The following CNTN4 variants were observed in gnomAD, a reference collection of about 807,000 sequenced individuals.
CNTN4 encodes the protein contactin-4.
Under a neutral mutation model 122.5 loss-of-function variants are expected in CNTN4, and 77 were observed. The ratio of observed to expected loss-of-function variants is 0.63; its 90% CI spans 0.52 to 0.76. The LOEUF (loss-of-function observed/expected upper bound fraction) is 0.76. Ranked by LOEUF, CNTN4 falls within the 30% of genes least tolerant of loss-of-function variation. CNTN4 has a pLI of 0.00. For missense variants in CNTN4, 1,256 were observed against 1,259.1 expected (o/e 1.00, Z 0.04); for synonymous variants, 512 against 447.0 (o/e 1.15, Z -1.83).
chr3:2,297,663 A>G (rs961702963), intron 2 of CNTN4, among the ~76,000 whole-genome samples: 1 of 151,568 alleles, frequency 6.6e-6, no homozygotes, highest in Admixed American at 6.6e-5. Context: ...ATGCGACCAG[A>G]GGTTTTTGAT....
intron 3 of CNTN4, among the ~76,000 whole-genome samples, chr3:2,454,946 A>G (rs1189643517): frequency 6.6e-6 from 1 of 152,202 alleles, no homozygotes; most frequent in East Asian, 1.9e-4. Flanking sequence ...TTTTGGAAGT[A>G]GAGCTAAAAG....
chr3:2,501,798 A>G (rs1265674005), intron 3 of CNTN4, among the ~76,000 whole-genome samples: 1 of 152,044 alleles, frequency 6.6e-6, no homozygotes, highest in Non-Finnish European at 1.5e-5. Flanking sequence ...AGCATTCCCA[A>G]ATCCTCCCAA....
intron 3 of CNTN4, among the ~76,000 whole-genome samples, chr3:2,497,703 T>A (rs1313677684): frequency 6.6e-6 from 1 of 152,198 alleles, no homozygotes; most frequent in Non-Finnish European, 1.5e-5. Flanking sequence ...CCTACCCGAT[T>A]GAATACTAAA....
At chr3:2,675,963 A>G (rs2084822379) in intron 4 of CNTN4, among the ~76,000 whole-genome samples, 1 of 152,242 alleles carries the variant, frequency 6.6e-6, no homozygotes, top group South Asian at 2.1e-4. Flanking sequence ...TAAAATACCC[A>G]TGATTTAAAT....
Position 2,932,619 on chromosome 3 carries a change from G to A in CNTN4, c.1358+6840G>A, listed in dbSNP as rs147240830. 8.1e-3 allele frequency among the ~76,000 whole-genome samples: 1,234 copies of A among 152,090 alleles called. 15 individuals carry two copies. Among genetic ancestry groups the A allele is most frequent in the African/African-American group, 0.025 (1,049 of 41,494 alleles). ...AAAGTGAGGGAGGCAAGTCTTAATC[G>A]GTAGAGGTTTATTTCGCCAGGGTTG... is the stretch of plus-strand genomic sequence containing the variant. On this transcript the variant is annotated intron_variant, in intron 13 of 24. Coordinates refer to ENST00000418658, the MANE Select transcript of CNTN4 (RefSeq NM_175607.3).
At chr3:2,383,367 A>G (rs1449280875) in intron 3 of CNTN4, among the ~76,000 whole-genome samples, 1 of 152,184 alleles carries the variant, frequency 6.6e-6, no homozygotes, top group African/African-American at 2.4e-5. Flanking sequence ...GAGAATGATA[A>G]TGGCTAAGTA....
chr3:2,285,978 A>G (rs1357689140), intron 2 of CNTN4, among the ~76,000 whole-genome samples: 1 of 152,142 alleles, frequency 6.6e-6, no homozygotes, highest in African/African-American at 2.4e-5. Context: ...TGCTGAATCA[A>G]ATATGTATAT....
intron 13 of CNTN4, among the ~76,000 whole-genome samples, chr3:2,946,704 C>CTTTTTTTTTT (rs55883455): frequency 1.7e-5 from 2 of 119,388 alleles, no homozygotes; most frequent in Non-Finnish European, 1.7e-5. Context: ...TTTTTTTTTT[C>CTTTTTTTTTT]TTTTTTTTTT....
At chr3:2,380,905 T>G (rs1001347496) in intron 3 of CNTN4, among the ~76,000 whole-genome samples, 1 of 152,166 alleles carries the variant, frequency 6.6e-6, no homozygotes, top group Non-Finnish European at 1.5e-5. Flanking sequence ...TCATATGTGT[T>G]TTTCTATTTT....
At chr3:2,421,305 T>C (rs573034649) in intron 3 of CNTN4, among the ~76,000 whole-genome samples, 2 of 148,370 alleles carry the variant, frequency 1.3e-5, no homozygotes, top group Non-Finnish European at 3.0e-5. Flanking sequence ...CAGGCTGGAG[T>C]GCAGTGGCGT....
intron 2 of CNTN4, among the ~76,000 whole-genome samples, chr3:2,299,863 T>C (rs2042442762): frequency 2.0e-5 from 3 of 152,180 alleles, no homozygotes; most frequent in Non-Finnish European, 2.9e-5. Flanking sequence ...ATAGTAAATA[T>C]GTTTATAAAT....
intron 16 of CNTN4, among the ~76,000 whole-genome samples, chr3:3,032,403 G>A (rs548652389): frequency 6.6e-6 from 1 of 152,300 alleles, no homozygotes; most frequent in African/African-American, 2.4e-5. Context: ...TCATTTCACA[G>A]AAAATAACAT....
chr3:2,498,054 A>G (rs1325182808), intron 3 of CNTN4, among the ~76,000 whole-genome samples: 7 of 152,208 alleles, frequency 4.6e-5, no homozygotes. Context: ...ATGGTAGTAA[A>G]AAGTTGTTTA....
intron 2 of CNTN4, among the ~76,000 whole-genome samples, chr3:2,181,568 G>C (rs2037018892): frequency 6.6e-6 from 1 of 152,044 alleles, no homozygotes; most frequent in South Asian, 2.1e-4. Context: ...TACTAATCCA[G>C]TGCAATTTCC....
At position 2,505,334 on chromosome 3, in the gene CNTN4, G is replaced by T. The variant is rs548729844; in HGVS notation, c.-88-66082G>T. On this transcript the variant is annotated intron_variant, in intron 3 of 24. Transcript: ENST00000418658. Reference sequence around the variant, plus strand: ...TATTGGTTCTAGGTCAAAGGCATATGTGTATTCATTGTGCCATCTTTTCAA... The same window carrying T: ...TATTGGTTCTAGGTCAAAGGCATATTTGTATTCATTGTGCCATCTTTTCAA... Among the ~76,000 whole-genome samples the T allele has an allele frequency of 2.0e-4, 30 of 152,294 alleles. No homozygotes were observed. The South Asian group carries it at 6.2e-3, about 32-fold the overall frequency.
At chr3:2,214,204 ATGGAAATCTGGTTC>A (rs2038738206) in intron 2 of CNTN4, among the ~76,000 whole-genome samples, 1 of 152,142 alleles carries the variant, frequency 6.6e-6, no homozygotes, top group Admixed American at 6.5e-5. Context: ...TCTCCTGAGT[ATGGAAATCTGGTTC>A]AGTGGTAGCT....
chr3:2,587,633 C>G (rs1321250224), intron 4 of CNTN4, among the ~76,000 whole-genome samples: 3 of 152,132 alleles, frequency 2.0e-5, no homozygotes, highest in African/African-American at 4.8e-5. Flanking sequence ...TTGTACCTCC[C>G]TTATGATTTC....
intron 3 of CNTN4, among the ~76,000 whole-genome samples, chr3:2,400,426 T>TATAC (rs1399892591): frequency 9.8e-5 from 7 of 71,248 alleles, no homozygotes; most frequent in African/African-American, 9.4e-5. Context: ...TATATATATA[T>TATAC]ACATATATAT....
chr3:2,684,668 G>A (rs1460540060), intron 4 of CNTN4, among the ~76,000 whole-genome samples: 1 of 152,058 alleles, frequency 6.6e-6, no homozygotes, highest in East Asian at 1.9e-4. Flanking sequence ...AAGAATAAAC[G>A]TTTTTTCTCT....
Sources: allele counts gnomAD v4.1 joint callset (sites outside exome capture counted in the v4.1 genomes callset), GRCh38; gene constraint gnomAD v4.1.1; transcripts MANE v1.5; gene names NCBI Gene and HGNC (gene_info 2026-07-23, HGNC 2026-07-21).